EPHA2: variants seen among roughly 807,000 people sequenced by gnomAD.
EPHA2 encodes EPH receptor A2, also known as ephrin type-A receptor 2.
In EPHA2, 54 loss-of-function variants were observed where a neutral mutation model predicts 104.9. The observed-to-expected ratio is 0.51, with a 90% CI of 0.41 to 0.65. The LOEUF (loss-of-function observed/expected upper bound fraction) is 0.65, where lower values mean the gene tolerates loss of function less well. Among genes scored for constraint, EPHA2 ranks in the 30% least tolerant of loss-of-function variants. EPHA2 has a pLI of 0.00. For synonymous variants in EPHA2, 560 were observed against 559.1 expected, an observed-to-expected ratio of 1.00 and a Z score of -0.02; for missense variants, 1,117 against 1,369.5, an observed-to-expected ratio of 0.82 and a Z score of 2.91.
intron 3 of EPHA2, among the ~76,000 whole-genome samples, chr1:16,142,173 C>A (rs2024835432): frequency 6.6e-6 from 1 of 152,248 alleles, no homozygotes; most frequent in East Asian, 1.9e-4. Context: ...ACAGCCCTCC[C>A]AGACTGCCCA....
intron 3 of EPHA2, among the ~76,000 whole-genome samples, chr1:16,142,996 G>A: frequency 7.1e-6 from 1 of 140,438 alleles, no homozygotes; most frequent in South Asian, 2.5e-4. Flanking sequence ...TGGATGGATG[G>A]ATGGATGGAT....
In EPHA2 at chr1:16,138,111, G is replaced by A. The variant is rs1240588907; in HGVS notation, c.1054C>T (p.Gln352Ter). ...AKVELRWTPPQDSGGREDIVY... is the reference protein window; with the variant it reads ...AKVELRWTPP ...ATGTCCTCGCGGCCCCCGCTGTCCT[G>A]AGGGGGCGTCCAGCGCAGCTCCACC... is the stretch of plus-strand genomic sequence containing the variant. Residue 352 changes from glutamine (Q) to a stop codon, truncating the protein, a stop_gained, in exon 5 of 17, where the codon CAG (glutamine) becomes TAG (stop). Transcript: ENST00000358432. LOFTEE classifies it high-confidence loss of function. 1 of 1,609,788 alleles carries A rather than the reference G, an allele frequency of 6.2e-7. No homozygotes were observed. The highest frequency in any genetic ancestry group is 8.5e-7 in the Non-Finnish European group (1 of 1,179,750).
At chr1:16,126,682 C>G (rs2024474888) in intron 16 of EPHA2, among the ~76,000 whole-genome samples, 1 of 152,228 alleles carries the variant, frequency 6.6e-6, no homozygotes, top group South Asian at 2.1e-4. Flanking sequence ...AGCGCTCAGA[C>G]CACGGTGAAG....
At chr1:16,137,683 GCTGGGGCCACATGTGGCCCA>G (rs1254475566) in intron 5 of EPHA2, among the ~76,000 whole-genome samples, 150 bp downstream of exon 5, 1 of 152,256 alleles carries the variant, frequency 6.6e-6, no homozygotes, top group Admixed American at 6.5e-5. Context: ...TTCAATGTCG[GCTGGGGCCACATGTGGCCCA>G]CGGGTTGGAC....
intron 16 of EPHA2, among the ~76,000 whole-genome samples, chr1:16,129,079 C>A (rs966169756): frequency 4.6e-5 from 7 of 151,658 alleles, no homozygotes; most frequent in Admixed American, 2.0e-4. Context: ...TGTTTCTCAC[C>A]TGCACCTGTT....
chr1:16,124,912 A>C lies in EPHA2; in HGVS notation c.*303T>G. 6 of 369,302 alleles carry C rather than the reference A, an allele frequency of 1.6e-5. No individual in the cohort carries two copies. The highest frequency in any genetic ancestry group is 2.1e-5 in the Non-Finnish European group (4 of 194,276). The allele number at this position is 369,302 out of a possible 1,614,324, so 22.9% of individuals were successfully genotyped here. ...AGGCGGAGGGAAGGTCGGCTTGGGA[A>C]TATCCCATATGTCTGTCCGAAGGCT... On this transcript the variant is annotated 3_prime_UTR_variant, in exon 17 of 17. Coordinates refer to ENST00000358432, the MANE Select transcript of EPHA2 (RefSeq NM_004431.5).
At chr1:16,133,394 T>TGC in intron 10 of EPHA2, 26 bp from the exon 11 acceptor site, 2 of 1,613,606 alleles carry the variant, frequency 1.2e-6, no homozygotes, top group Non-Finnish European at 1.7e-6. Context: ...GTCAGGGGAG[T>TGC]GCCCTGGTCA....
intron 3 of EPHA2, among the ~76,000 whole-genome samples, chr1:16,140,778 C>A (rs1387527782): frequency 6.6e-6 from 1 of 152,220 alleles, no homozygotes; most frequent in African/African-American, 2.4e-5. Flanking sequence ...GCCATCAAGC[C>A]TGGCTAACTT....
Position 16,134,389 on chromosome 1 carries a change from T to G in EPHA2, c.1682+79A>C. ...GACTAGCATCCTGTGGGCCCCATCG[T>G]TCAGATGAGGAAATGGAGGTTCCTG... On this transcript the variant is annotated intron_variant, in intron 8 of 16. Coordinates refer to ENST00000358432, the MANE Select transcript of EPHA2 (RefSeq NM_004431.5). The surrounding 1 kb of genome is among the most constrained non-coding windows in gnomAD (Gnocchi z 4.5). 1 of 1,418,920 alleles carries G rather than the reference T, an allele frequency of 7.0e-7. No individual in the cohort carries two copies. Among genetic ancestry groups the G allele is most frequent in the Non-Finnish European group, 9.9e-7 (1 of 1,011,776 alleles). The allele number at this position is 1,418,920 out of a possible 1,614,324, so 87.9% of individuals were successfully genotyped here.
Position 16,134,626 on chromosome 1 carries a change from G to T in EPHA2, c.1583-59C>A. On this transcript the variant is annotated intron_variant, in intron 7 of 16. Transcript: ENST00000358432. The surrounding 1 kb of genome is among the most constrained non-coding windows in gnomAD (Gnocchi z 4.5). ...TCCCCCACAAATTACAGCAACACCCGCGCTGCACCCAAGACACCTGGGCCC... is the reference window on the plus strand; with the variant it reads ...TCCCCCACAAATTACAGCAACACCCTCGCTGCACCCAAGACACCTGGGCCC... The T allele has an allele frequency of 6.4e-7, 1 of 1,556,500 alleles. No individual in the cohort carries two copies. Among genetic ancestry groups the T allele is most frequent in the African/African-American group, 1.4e-5 (1 of 73,436 alleles).
intron 9 of EPHA2, 42 bp downstream of exon 9, chr1:16,133,818 G>T (rs371206204): frequency 3.6e-4 from 548 of 1,523,198 alleles, no homozygotes; most frequent in Middle Eastern, 3.2e-3. Flanking sequence ...AGCTGGGGAC[G>T]GTGCGGGCAG....
chr1:16,138,872 C>G (rs1179869720), intron 3 of EPHA2, among the ~76,000 whole-genome samples: 1 of 152,200 alleles, frequency 6.6e-6, no homozygotes, highest in Non-Finnish European at 1.5e-5. Context: ...AGGGCAATGA[C>G]TGCCTCTTCT....
intron 3 of EPHA2, among the ~76,000 whole-genome samples, chr1:16,144,124 C>T (rs1569592667): frequency 3.3e-5 from 5 of 152,252 alleles, no homozygotes; most frequent in Admixed American, 3.3e-4. Context: ...TTCTGGGGAC[C>T]CACTTACCTC....
At chr1:16,136,560 G>A (rs1415970871) in intron 5 of EPHA2, among the ~76,000 whole-genome samples, 8 of 149,042 alleles carry the variant, frequency 5.4e-5, no homozygotes, top group Admixed American at 2.0e-4. Context: ...CAGAGGTTGC[G>A]GTGAGCCAAG....
At chr1:16,137,219 C>T (rs2024729117) in intron 5 of EPHA2, among the ~76,000 whole-genome samples, 1 of 151,992 alleles carries the variant, frequency 6.6e-6, no homozygotes, top group African/African-American at 2.4e-5. Context: ...TCCAATCTTT[C>T]AGCTTCTGTG....
rs1289700800 is a variant in EPHA2, at chr1:16,135,690, G to T, written c.1393C>A (p.Arg465=). ...SWSIPPPQQS[R]VWKYEVTYRK... is the part of the protein sequence containing the mutation. ...TAAGTGACCTCGTACTTCCACACTC[G>T]GCTCTGCTGCGGCGGGGGGATGCTC... The change falls in exon 6 of 17, where the codon CGA becomes AGA. Residue 465 remains arginine, a synonymous_variant. Transcript: ENST00000358432. This position sits in a 1 kb window ranked among gnomAD's most constrained non-coding sequence, Gnocchi z 4.3. 3 of 1,613,916 alleles carry T rather than the reference G, an allele frequency of 1.9e-6. No homozygotes were observed. Among genetic ancestry groups the T allele is most frequent in the Non-Finnish European group, 2.5e-6 (3 of 1,180,008 alleles).
chr1:16,133,202 G>A lies in EPHA2; in HGVS notation c.2031C>T (p.Arg677=). 1.2e-6 allele frequency: 2 copies of A among 1,613,700 alleles called. No individual in the cohort carries two copies. The highest frequency in any genetic ancestry group is 1.7e-6 in the Non-Finnish European group (2 of 1,179,896). Residue 677 remains arginine (R), a synonymous_variant, in exon 11 of 17, where the codon CGC becomes CGT. Coordinates refer to ENST00000358432, the MANE Select transcript of EPHA2 (RefSeq NM_004431.5). ...MGQFSHHNII[R]LEGVISKYKP... is the part of the protein sequence containing the mutation. ...CACATTTGGAGATGACGCCCTCTAG[G>A]CGGATGATGTTGTGGTGGCTGAACT...
chr1:16,140,608 C>T (rs1281043509), intron 3 of EPHA2, among the ~76,000 whole-genome samples: 3 of 152,094 alleles, frequency 2.0e-5, no homozygotes, highest in Non-Finnish European at 2.9e-5. Flanking sequence ...TCTCCCACTC[C>T]TTTTTCATTA....
At position 16,133,349 on chromosome 1, in the gene EPHA2, G is replaced by T; in HGVS notation, c.1884C>A (p.Tyr628Ter). Residue 628 changes from tyrosine (Y) to a stop codon, truncating the protein, a stop_gained, in exon 11 of 17, where the codon TAC (tyrosine) becomes TAA (stop). Coordinates refer to ENST00000358432, the MANE Select transcript of EPHA2 (RefSeq NM_004431.5). LOFTEE classifies it high-confidence loss of function. ...CCGAGGATGTCTTCAGCATGCCCTT[G>T]TACACCTCCCCAAACTCTCCTGTGG... ...VIGAGEFGEV[Y>*]KGMLKTSSGK... 2 of 1,613,802 alleles carry T rather than the reference G, an allele frequency of 1.2e-6. No individual in the cohort carries two copies. Among genetic ancestry groups the T allele is most frequent in the East Asian group, 2.2e-5 (1 of 44,878 alleles).
Sources: gnomAD v4.1 joint callset for allele counts (sites outside exome capture counted in the v4.1 genomes callset) on GRCh38, gnomAD v4.1.1 for gene constraint, Gnocchi (gnomAD v3.1) non-coding constraint, MANE v1.5 for transcripts, NCBI Gene and HGNC (gene_info 2026-07-23, HGNC 2026-07-21) for gene names.